Variants in COQ10B observed in about 807,000 individuals in gnomAD.
COQ10B encodes the protein coenzyme Q10B.
In COQ10B, 12 loss-of-function variants were observed where a neutral mutation model predicts 27.6. The observed-to-expected ratio is 0.43, with a 90% CI of 0.28 to 0.70. The LOEUF is 0.70. Among genes scored for constraint, COQ10B ranks in the 30% least tolerant of loss-of-function variants. The pLI is 0.17. For missense variants in COQ10B, 278 were observed against 288.7 expected, an observed-to-expected ratio of 0.96 and a Z score of 0.27; for synonymous variants, 115 against 103.0, an observed-to-expected ratio of 1.12 and a Z score of -0.71.
intron 1 of COQ10B, among the ~76,000 whole-genome samples, chr2:197,455,946 G>GAGACCCTGACTCAAACACAACAACAACA (rs2085693813): frequency 6.6e-6 from 1 of 151,990 alleles, no homozygotes; most frequent in Admixed American, 6.6e-5. Context: ...GTGATGGAGT[G>GAGACCCTGACTCAAACACAACAACAACA]AGACCCTGAC....
At chr2:197,469,679 TA>T (rs2085859699) in intron 3 of COQ10B, among the ~76,000 whole-genome samples, 1 of 152,144 alleles carries the variant, frequency 6.6e-6, no homozygotes, top group Admixed American at 6.5e-5. Context: ...TGATATAAAG[TA>T]GGTATTATTT....
At chr2:197,466,871 A>G (rs540387755) in intron 3 of COQ10B, among the ~76,000 whole-genome samples, 30 of 151,576 alleles carry the variant, frequency 2.0e-4, no homozygotes, top group Admixed American at 8.5e-4. Flanking sequence ...TCACATAATA[A>G]TGCTAGTTTG....
intron 4 of COQ10B, among the ~76,000 whole-genome samples, chr2:197,471,278 G>A (rs2085874542): frequency 6.6e-6 from 1 of 151,912 alleles, no homozygotes. Context: ...GAGTAGCTGG[G>A]ACTACAGGAA....
chr2:197,460,864 C>T (rs1278017204), intron 2 of COQ10B, among the ~76,000 whole-genome samples: 1 of 152,170 alleles, frequency 6.6e-6, no homozygotes, highest in African/African-American at 2.4e-5. Context: ...GGCCACATTC[C>T]AGTAAAACTT....
rs999048462 is a variant in COQ10B, at chr2:197,458,215, T to G, written c.105-1717T>G. On this transcript the variant is annotated intron_variant, in intron 1 of 4. Transcript: ENST00000263960. ...ATTTACATATATATGTATGTACATA[T>G]GTATATGTATTCATATATATAAATA... is the stretch of plus-strand genomic sequence containing the variant. Among the ~76,000 whole-genome samples, 3 of 152,056 alleles carry G rather than the reference T, an allele frequency of 2.0e-5. No homozygotes were observed. The South Asian group carries it at 6.2e-4, about 32-fold the overall frequency.
Position 197,462,636 on chromosome 2 carries a change from T to C in COQ10B, c.352T>C (p.Ser118Pro), listed in dbSNP as rs1410480168. The C allele has an allele frequency of 6.2e-7, 1 of 1,601,166 alleles. No homozygotes were observed. The highest frequency in any genetic ancestry group is 1.1e-5 in the South Asian group (1 of 89,476). ...AAAATCAGATGTTATATCAAAGAGA[T>C]CTGGATATTGTAAAACAAGATTAGA... ...CKKSDVISKRSGYCKTRLEIG... is the reference protein window; with the variant it reads ...CKKSDVISKRPGYCKTRLEIG... Residue 118 changes from serine to proline, a missense_variant, in exon 3 of 5, where the codon TCT (serine) becomes CCT (proline). Physicochemically the swap from Ser to Pro is moderately conservative, Grantham distance 74. Coordinates refer to ENST00000263960, the MANE Select transcript of COQ10B (RefSeq NM_025147.5).
intron 1 of COQ10B, chr2:197,454,384 A>C (rs529910442): frequency 1.4e-5 from 4 of 293,776 alleles, no homozygotes; most frequent in Admixed American, 5.1e-5. Flanking sequence ...AAATGAATTC[A>C]GGTGTACAAA....
At chr2:197,472,165 TCG>T (rs2085884006) in intron 4 of COQ10B, among the ~76,000 whole-genome samples, 4 of 151,966 alleles carry the variant, frequency 2.6e-5, no homozygotes, top group African/African-American at 9.7e-5. Flanking sequence ...TGAAATTATT[TCG>T]TAATGAAAGA....
chr2:197,453,580 A>T lies in COQ10B; in HGVS notation c.20A>T (p.His7Leu), dbSNP rs752270714. The T allele has an allele frequency of 1.2e-6, 2 of 1,613,886 alleles. No homozygotes were observed. Among genetic ancestry groups the T allele is most frequent in the African/African-American group, 1.3e-5 (1 of 74,922 alleles). MAARTG[H>L]TALRRVVSGC... Reference sequence around the variant, plus strand: ...TCTATCATGGCAGCTCGGACTGGTCATACGGCCTTGAGAAGGGTAGTCTCG... The same window carrying T: ...TCTATCATGGCAGCTCGGACTGGTCTTACGGCCTTGAGAAGGGTAGTCTCG... The change falls in exon 1 of 5, where the codon CAT becomes CTT. Residue 7 changes from histidine to leucine, a missense_variant. Coordinates refer to ENST00000263960, the MANE Select transcript of COQ10B (RefSeq NM_025147.5).
Position 197,463,679 on chromosome 2 carries a change from T to A in COQ10B, c.447+948T>A, listed in dbSNP as rs2565162. On this transcript the variant is annotated intron_variant, in intron 3 of 4. Coordinates refer to ENST00000263960, the MANE Select transcript of COQ10B (RefSeq NM_025147.5). ...GGGGCAAAGTGGCTCACGCCTGTAATCCCAGCACTTTGGGAGACTAAGGTG... is the reference window on the plus strand; with the variant it reads ...GGGGCAAAGTGGCTCACGCCTGTAAACCCAGCACTTTGGGAGACTAAGGTG... Among the ~76,000 whole-genome samples the A allele has an allele frequency of 4.7e-3, 702 of 150,644 alleles. 4 individuals are homozygous for A. The highest frequency in any genetic ancestry group is 0.016 in the African/African-American group (674 of 41,082).
intron 3 of COQ10B, among the ~76,000 whole-genome samples, chr2:197,467,119 G>A (rs1276522134): frequency 1.3e-5 from 2 of 151,136 alleles, no homozygotes; most frequent in Non-Finnish European, 2.9e-5. Context: ...GCTAATTTTT[G>A]TATTTTTAGT....
At chr2:197,466,828 C>A (rs1395403872) in intron 3 of COQ10B, among the ~76,000 whole-genome samples, 1 of 150,910 alleles carries the variant, frequency 6.6e-6, no homozygotes. Flanking sequence ...TTTTCCTACT[C>A]TCCTTCCCCC....
At chr2:197,469,283 C>T (rs1266524582) in intron 3 of COQ10B, among the ~76,000 whole-genome samples, 1 of 152,250 alleles carries the variant, frequency 6.6e-6, no homozygotes, top group African/African-American at 2.4e-5. Flanking sequence ...TAGCTTACTG[C>T]AGCCTCGAAC....
At chr2:197,472,703 C>CT (rs2085890613) in intron 4 of COQ10B, among the ~76,000 whole-genome samples, 2 of 148,032 alleles carry the variant, frequency 1.4e-5, no homozygotes, top group African/African-American at 5.0e-5. Flanking sequence ...ACTCTGGAGG[C>CT]TGAGGCAGGA....
At chr2:197,467,969 T>C (rs1487696760) in intron 3 of COQ10B, among the ~76,000 whole-genome samples, 2 of 152,204 alleles carry the variant, frequency 1.3e-5, no homozygotes, top group Non-Finnish European at 2.9e-5. Context: ...TCTAAATCAG[T>C]TCACTCAGAA....
intron 4 of COQ10B, among the ~76,000 whole-genome samples, chr2:197,472,428 T>TAAAACAAAAC (rs139909350): frequency 1.1e-4 from 17 of 151,332 alleles, no homozygotes; most frequent in Non-Finnish European, 8.9e-5. Context: ...GTTAAAAGCC[T>TAAAACAAAAC]AAAACAAAAC....
At position 197,453,726 on chromosome 2, in the gene COQ10B, G is replaced by A. The variant is rs141487904; in HGVS notation, c.104+62G>A. 1,647 of 1,397,220 alleles carry A rather than the reference G, an allele frequency of 1.2e-3. 19 individuals carry two copies. In the African/African-American group the frequency reaches 0.018, roughly 16 times the overall value. The allele number at this position is 1,397,220 out of a possible 1,614,324, so 86.6% of individuals were successfully genotyped here. On this transcript the variant is annotated intron_variant, in intron 1 of 4. Transcript: ENST00000263960. The stretch of plus-strand genomic sequence containing the variant: ...TTCGATTTTGGCTGCCGAGTTGGGG[G>A]ACCGGAAGGATTTGGGGGTGAGGCA...
chr2:197,462,205 G>T (rs1197757818), intron 2 of COQ10B, among the ~76,000 whole-genome samples: 1 of 151,152 alleles, frequency 6.6e-6, no homozygotes, highest in Non-Finnish European at 1.5e-5. Context: ...GGAGGTGGAG[G>T]TTGCAGTGAG....
In COQ10B at chr2:197,453,585, G is replaced by T. The variant is rs1202870583; in HGVS notation, c.25G>T (p.Ala9Ser). 6.8e-6 allele frequency: 11 copies of T among 1,613,940 alleles called. No homozygotes were observed. The South Asian group carries it at 1.2e-4, about 18-fold the overall frequency. MAARTGHT[A>S]LRRVVSGCRP... ...CATGGCAGCTCGGACTGGTCATACG[G>T]CCTTGAGAAGGGTAGTCTCGGGATG... The change falls in exon 1 of 5, where the codon GCC becomes TCC. Residue 9 changes from alanine to serine, a missense_variant. Physicochemically the swap from Ala to Ser is moderately conservative, Grantham distance 99 (BLOSUM62 1). This residue lies in a region of COQ10B where 183 missense variants were observed against 158.2 expected (regional missense o/e 1.16). Transcript: ENST00000263960.
Sources: gnomAD v4.1 joint callset for allele counts (sites outside exome capture counted in the v4.1 genomes callset) on GRCh38, gnomAD v4.1.1 for gene constraint, gnomAD v4.1.1 regional missense constraint, MANE v1.5 for transcripts, NCBI Gene and HGNC (gene_info 2026-07-23, HGNC 2026-07-21) for gene names.